RBM44: variants seen among roughly 807,000 people sequenced by gnomAD.
RBM44 encodes RNA binding motif protein 44.
In RBM44, 66 loss-of-function variants were observed where a neutral mutation model predicts 105.1. That is an observed-to-expected ratio of 0.63 (90% CI 0.52 to 0.77). The LOEUF is 0.77. Ranked by LOEUF, RBM44 falls within the 30% of genes least tolerant of loss-of-function variation. The pLI is 0.00. For missense variants in RBM44, 1,122 were observed against 1,207.8 expected, an observed-to-expected ratio of 0.93 and a Z score of 1.05; for synonymous variants, 365 against 417.6, an observed-to-expected ratio of 0.87 and a Z score of 1.54.
At chr2:237,837,126 G>GA (rs1421973751) in intron 15 of RBM44, among the ~76,000 whole-genome samples, 7 of 151,850 alleles carry the variant, frequency 4.6e-5, no homozygotes, top group Admixed American at 6.6e-5. Context: ...CTACTACTCA[G>GA]AAAAAAAATA....
intron 13 of RBM44, among the ~76,000 whole-genome samples, chr2:237,833,618 T>C (rs2061924121): frequency 6.6e-6 from 1 of 152,214 alleles, no homozygotes; most frequent in African/African-American, 2.4e-5. Flanking sequence ...AAAACATTTA[T>C]TTAATGAATG....
chr2:237,829,330 G>A lies in RBM44; in HGVS notation c.2714G>A (p.Gly905Glu). Residue 905 changes from glycine (G) to glutamate (E), a missense_variant, in exon 13 of 16, where the codon GGA (glycine) becomes GAA (glutamate). Coordinates refer to ENST00000316997, the MANE Select transcript of RBM44 (RefSeq NM_001080504.3). Reference protein sequence around the residue: ...SVNVWPVKILGEYTSPLSSKN... With the variant: ...SVNVWPVKILEEYTSPLSSKN... The stretch of plus-strand genomic sequence containing the variant: ...AATGTGTGGCCTGTTAAAATTCTTG[G>A]AGAATATACATCACCACTTTCCTCC... 1 of 1,613,510 alleles carries A rather than the reference G, an allele frequency of 6.2e-7. No individual in the cohort carries two copies. The highest frequency in any genetic ancestry group is 8.5e-7 in the Non-Finnish European group (1 of 1,179,616).
chr2:237,819,540 A>G (rs1274178930), intron 4 of RBM44, among the ~76,000 whole-genome samples: 2 of 151,996 alleles, frequency 1.3e-5, no homozygotes, highest in Admixed American at 6.6e-5. Flanking sequence ...TTTCAGTTCT[A>G]TACAATTAAA....
intron 15 of RBM44, 74 bp downstream of exon 15, chr2:237,834,497 C>A: frequency 3.0e-6 from 2 of 660,504 alleles, no homozygotes; most frequent in Non-Finnish European, 4.7e-6. Flanking sequence ...TTTCTTTTTA[C>A]ATAAAAAACA....
At chr2:237,814,790 G>A (rs189358798) in intron 2 of RBM44, among the ~76,000 whole-genome samples, 81 of 152,098 alleles carry the variant, frequency 5.3e-4, no homozygotes, top group Admixed American at 2.4e-3. Context: ...ATGGTATTAC[G>A]ACAATTGACC....
intron 15 of RBM44, among the ~76,000 whole-genome samples, chr2:237,840,187 C>CA (rs34666443): frequency 0.047 from 3,001 of 63,982 alleles, 168 homozygotes; most frequent in African/African-American, 0.13. Context: ...GACTCTATCT[C>CA]AAAAAAAAAA....
intron 1 of RBM44, among the ~76,000 whole-genome samples, chr2:237,811,376 G>C (rs144573511): frequency 6.6e-6 from 1 of 152,020 alleles, no homozygotes; most frequent in South Asian, 2.1e-4. Flanking sequence ...TCAAGTGATC[G>C]TCTCACCCCA....
chr2:237,816,166 T>C (rs2061712451), intron 2 of RBM44, among the ~76,000 whole-genome samples: 1 of 152,206 alleles, frequency 6.6e-6, no homozygotes, highest in South Asian at 2.1e-4. Flanking sequence ...AAAACACTTT[T>C]TAAATACAAA....
chr2:237,837,197 G>A (rs1490967358), intron 15 of RBM44, among the ~76,000 whole-genome samples: 1 of 152,126 alleles, frequency 6.6e-6, no homozygotes, highest in Non-Finnish European at 1.5e-5. Flanking sequence ...AACTCTGATG[G>A]AGATGTAGAA....
chr2:237,805,457 T>C (rs772039993), intron 1 of RBM44, among the ~76,000 whole-genome samples: 1 of 152,154 alleles, frequency 6.6e-6, no homozygotes, highest in Non-Finnish European at 1.5e-5. Context: ...AAACTACCAA[T>C]ATTATTTTTC....
chr2:237,839,775 A>C (rs1312659143), intron 15 of RBM44, among the ~76,000 whole-genome samples: 2 of 152,240 alleles, frequency 1.3e-5, no homozygotes, highest in African/African-American at 2.4e-5. Context: ...CAACAAAAGA[A>C]GATACATATA....
chr2:237,813,364 A>G (rs75575372), intron 1 of RBM44, among the ~76,000 whole-genome samples: 1 of 152,190 alleles, frequency 6.6e-6, no homozygotes, highest in African/African-American at 2.4e-5. Flanking sequence ...TAGTAAGTGT[A>G]CAAATTGTCT....
chr2:237,834,124 T>G lies in RBM44; in HGVS notation c.3014T>G (p.Leu1005Arg), dbSNP rs1470200819. 5 of 1,575,272 alleles carry G rather than the reference T, an allele frequency of 3.2e-6. No homozygotes were observed. The East Asian group carries it at 1.1e-4, about 36-fold the overall frequency. Residue 1005 changes from leucine to arginine, a missense_variant, in exon 14 of 16, where the codon CTG becomes CGG. Leu to Arg is a moderately radical substitution (Grantham distance 102). Coordinates refer to ENST00000316997, the MANE Select transcript of RBM44 (RefSeq NM_001080504.3). ...AAGATCATAAAGAGACTGGCTGAAC[T>G]GCATCCAGAAGTCAGCAGGTAATAA... The part of the protein sequence containing the change: ...FTKIIKRLAE[L>R]HPEVSRDHII...
chr2:237,823,134 T>TATAC (rs35689719), intron 8 of RBM44, among the ~76,000 whole-genome samples: 7 of 151,492 alleles, frequency 4.6e-5, no homozygotes, highest in Admixed American at 1.3e-4. Context: ...TATATATATA[T>TATAC]ACACCTCCAA....
chr2:237,823,166 A>AT (rs1491467844), intron 8 of RBM44, among the ~76,000 whole-genome samples: 1 of 151,848 alleles, frequency 6.6e-6, no homozygotes, highest in Non-Finnish European at 1.5e-5. Flanking sequence ...ATTACTTCTC[A>AT]TGTGTGTATG....
chr2:237,818,359 C>G lies in RBM44; in HGVS notation c.1440C>G (p.Thr480=). Residue 480 remains threonine (T), a synonymous_variant, in exon 3 of 16, where the codon ACC becomes ACG. Transcript: ENST00000316997. This position sits in a 1 kb window ranked among gnomAD's most constrained non-coding sequence, Gnocchi z 4.6. The stretch of plus-strand genomic sequence containing the variant: ...CTGATTTTAGGGCTTGTTTCACAAC[C>G]AGCAGGGCAACAAGTGCAAGACCTT... ...VSTDFRACFT[T]SRATSARPSV... The G allele has an allele frequency of 6.2e-7, 1 of 1,613,124 alleles. No individual in the cohort carries two copies. The highest frequency in any genetic ancestry group is 8.5e-7 in the Non-Finnish European group (1 of 1,179,454).
chr2:237,800,224 C>T lies in RBM44; in HGVS notation c.-19+1363C>T, dbSNP rs79734089. Among the ~76,000 whole-genome samples the T allele has an allele frequency of 7.2e-5, 11 of 152,226 alleles. No homozygotes were observed. The East Asian group carries it at 2.1e-3, about 29-fold the overall frequency. On this transcript the variant is annotated intron_variant, in intron 1 of 15. Coordinates refer to ENST00000316997, the MANE Select transcript of RBM44 (RefSeq NM_001080504.3). ...TTTGATTTGCATTTCCTTCATGACT[C>T]TTGATAAATTGAGCATATTTTCATG...
intron 2 of RBM44, among the ~76,000 whole-genome samples, chr2:237,816,273 T>C (rs2061713811): frequency 6.6e-6 from 1 of 152,188 alleles, no homozygotes; most frequent in African/African-American, 2.4e-5. Flanking sequence ...TTTGTGTGCT[T>C]ACCTTATGAC....
intron 13 of RBM44, among the ~76,000 whole-genome samples, chr2:237,833,192 A>AG (rs2061919934): frequency 6.6e-6 from 1 of 152,226 alleles, no homozygotes; most frequent in Admixed American, 6.5e-5. Flanking sequence ...TGTACTCTTA[A>AG]GGAGCTAAAA....
Sources: gnomAD v4.1 joint callset for allele counts (sites outside exome capture counted in the v4.1 genomes callset) on GRCh38, gnomAD v4.1.1 for gene constraint, Gnocchi (gnomAD v3.1) non-coding constraint, MANE v1.5 for transcripts, NCBI Gene and HGNC (gene_info 2026-07-23, HGNC 2026-07-21) for gene names.